MAPK9: variants seen among roughly 807,000 people sequenced by gnomAD.
MAPK9 encodes the protein mitogen-activated protein kinase 9, also known as Jun kinase.
MAPK9 carries 30 observed loss-of-function variants against 57.1 expected under a neutral mutation model. The observed-to-expected ratio is 0.53, with a 90% CI of 0.39 to 0.71. The LOEUF is 0.71. Ranked by LOEUF, MAPK9 falls within the 30% of genes least tolerant of loss-of-function variation. MAPK9 has a pLI of 0.00. For synonymous variants in MAPK9, 155 were observed against 177.0 expected (o/e 0.88, Z 0.99); for missense variants, 362 against 521.0 (o/e 0.69, Z 2.97).
At chr5:180,241,499 CTGTGTT>C (rs2127576270) in intron 8 of MAPK9, among the ~76,000 whole-genome samples, 1 of 152,232 alleles carries the variant, frequency 6.6e-6, no homozygotes, top group Non-Finnish European at 1.5e-5. Flanking sequence ...CAGGGTTTCA[CTGTGTT>C]AGGCAGGATG....
chr5:180,246,014 TTA>T (rs1758062310), intron 7 of MAPK9: 1 of 152,226 alleles, frequency 6.6e-6, no homozygotes, highest in Admixed American at 6.5e-5. Context: ...ATTACTGACA[TTA>T]ATGTTCATAT....
chr5:180,244,332 C>T (rs1757903378), intron 7 of MAPK9, among the ~76,000 whole-genome samples: 1 of 152,216 alleles, frequency 6.6e-6, no homozygotes, highest in Non-Finnish European at 1.5e-5. Flanking sequence ...ACTCTTCCTT[C>T]TCCAACATCA....
intron 5 of MAPK9, among the ~76,000 whole-genome samples, chr5:180,258,938 A>G (rs538090922): frequency 2.0e-5 from 3 of 151,236 alleles, no homozygotes; most frequent in South Asian, 4.2e-4. Context: ...GGAGGCTGAG[A>G]CAGGAGAACT....
rs780088624 is a variant in MAPK9 at position 180,280,570 on chromosome 5, G to A, written c.-9C>T. The stretch of plus-strand genomic sequence containing the variant: ...CATTTACTGTCGCTCATGATGCAGC[G>A]TCCTGCAATATCCCGAAGGGTGGGC... On this transcript the variant is annotated 5_prime_UTR_variant, in exon 2 of 12. It adds an upstream start codon to the 5' untranslated region. Coordinates refer to ENST00000452135, the MANE Select transcript of MAPK9 (RefSeq NM_002752.5). The A allele has an allele frequency of 1.9e-6, 3 of 1,612,022 alleles. No individual in the cohort carries two copies. The highest frequency in any genetic ancestry group is 2.5e-6 in the Non-Finnish European group (3 of 1,179,248).
In MAPK9 at chr5:180,291,973, G is replaced by GCC. The variant is rs1295924644; in HGVS notation, c.-175_-174dup. Reference sequence around the variant, plus strand: ...GGCCCGCCCCGCTCCGCTCCGCCCCGCCGCCGCCGCCGCCGCCGCCGCCGC... The same window carrying GCC: ...GGCCCGCCCCGCTCCGCTCCGCCCCGCCCCGCCGCCGCCGCCGCCGCCGCCGC... On this transcript the variant is annotated 5_prime_UTR_variant, in exon 1 of 12. Transcript: ENST00000452135. The GCC allele has an allele frequency of 2.0e-4, 4 of 19,822 alleles. No homozygotes were observed. The highest frequency in any genetic ancestry group is 3.8e-3 in the East Asian group (1 of 266). The allele number at this position is 19,822 out of a possible 1,614,324, so 1.2% of individuals were successfully genotyped here.
intron 2 of MAPK9, among the ~76,000 whole-genome samples, chr5:180,277,404 A>G (rs1433620439): frequency 1.3e-5 from 2 of 152,088 alleles, no homozygotes; most frequent in African/African-American, 2.4e-5. Context: ...ATCACTCCAA[A>G]CTTCGCTCTG....
chr5:180,241,740 C>G (rs1386538431), intron 8 of MAPK9, among the ~76,000 whole-genome samples: 1 of 152,246 alleles, frequency 6.6e-6, no homozygotes, highest in Non-Finnish European at 1.5e-5. Flanking sequence ...ACCAGGCAGC[C>G]TCAGACCAAT....
intron 5 of MAPK9, among the ~76,000 whole-genome samples, chr5:180,256,140 T>A (rs574272694): frequency 6.6e-6 from 1 of 152,296 alleles, no homozygotes; most frequent in Non-Finnish European, 1.5e-5. Context: ...ACTGGCCATC[T>A]CCAGGTGCTA....
intron 5 of MAPK9, 108 bp downstream of exon 5, chr5:180,261,576 T>TG (rs1759969811): frequency 1.9e-6 from 2 of 1,065,186 alleles, no homozygotes; most frequent in Non-Finnish European, 2.6e-6. Context: ...CCATCATCTA[T>TG]TTGGATTTTC....
intron 3 of MAPK9, among the ~76,000 whole-genome samples, chr5:180,267,964 G>C (rs577623183): frequency 6.6e-6 from 1 of 151,992 alleles, no homozygotes; most frequent in East Asian, 1.9e-4. Context: ...CCGGGTTCAT[G>C]CCATTCTCCC....
chr5:180,285,247 A>C (rs561797246), intron 1 of MAPK9, among the ~76,000 whole-genome samples: 18 of 152,318 alleles, frequency 1.2e-4, no homozygotes, highest in African/African-American at 3.4e-4. Context: ...TTGTCCAGTA[A>C]GGAAGTTGTC....
chr5:180,240,972 G>T, intron 9 of MAPK9, 59 bp downstream of exon 9: 6 of 1,553,306 alleles, frequency 3.9e-6, no homozygotes, highest in South Asian at 2.4e-5. Flanking sequence ...GGACAGACAA[G>T]ATCCAAGGAA....
At chr5:180,240,629 G>C (rs1757567612) in intron 9 of MAPK9, among the ~76,000 whole-genome samples, 1 of 152,198 alleles carries the variant, frequency 6.6e-6, no homozygotes, top group Non-Finnish European at 1.5e-5. Context: ...TCCTCCAGCG[G>C]GGGAACCAGG....
In MAPK9 at chr5:180,280,585, G is replaced by A. The variant is rs550892020; in HGVS notation, c.-24C>T. On this transcript the variant is annotated 5_prime_UTR_variant, in exon 2 of 12. Coordinates refer to ENST00000452135, the MANE Select transcript of MAPK9 (RefSeq NM_002752.5). ...ATGATGCAGCGTCCTGCAATATCCCGAAGGGTGGGCAAGTTTCAGATCCCT... is the reference window on the plus strand; with the variant it reads ...ATGATGCAGCGTCCTGCAATATCCCAAAGGGTGGGCAAGTTTCAGATCCCT... 72 of 1,605,942 alleles carry A rather than the reference G, an allele frequency of 4.5e-5. No homozygotes were observed. The highest frequency in any genetic ancestry group is 2.0e-4 in the East Asian group (9 of 44,738).
At chr5:180,290,690 A>G (rs1763153155) in intron 1 of MAPK9, among the ~76,000 whole-genome samples, 2 of 152,268 alleles carry the variant, frequency 1.3e-5, no homozygotes, top group Non-Finnish European at 2.9e-5. Flanking sequence ...ACAAAATAGA[A>G]CAAGCTTCCA....
At chr5:180,253,963 CTTTTTTTTTT>C (rs5873681) in intron 5 of MAPK9, among the ~76,000 whole-genome samples, 3 of 109,358 alleles carry the variant, frequency 2.7e-5, no homozygotes, top group Non-Finnish European at 3.5e-5. Context: ...GCTTCAATCT[CTTTTTTTTTT>C]TTTTTTTTTT....
chr5:180,235,034 C>T lies in MAPK9; in HGVS notation c.*1350G>A, dbSNP rs1229649463. ...AGGCAAAACGTGATCACCACAGCTC[C>T]GTTCCTGCAGTGACACTTAACATAC... On this transcript the variant is annotated 3_prime_UTR_variant, in exon 12 of 12. Coordinates refer to ENST00000452135, the MANE Select transcript of MAPK9 (RefSeq NM_002752.5). 1 of 152,204 alleles carries T rather than the reference C, an allele frequency of 6.6e-6. No individual in the cohort carries two copies. Among genetic ancestry groups the T allele is most frequent in the Non-Finnish European group, 1.5e-5 (1 of 68,042 alleles). The allele number at this position is 152,204 out of a possible 1,614,324, so 9.4% of individuals were successfully genotyped here.
intron 4 of MAPK9, among the ~76,000 whole-genome samples, chr5:180,263,905 C>T (rs558810793): frequency 1.8e-4 from 27 of 152,212 alleles, no homozygotes; most frequent in Non-Finnish European, 3.5e-4. Flanking sequence ...CGGGGTTTCA[C>T]CGTGTTAGCC....
intron 1 of MAPK9, among the ~76,000 whole-genome samples, chr5:180,283,642 A>G (rs1212366083): frequency 6.6e-6 from 1 of 152,262 alleles, no homozygotes; most frequent in Non-Finnish European, 1.5e-5. Context: ...TTCCATCTCA[A>G]GATTTAAAAT....
Sources: allele counts gnomAD v4.1 joint callset (sites outside exome capture counted in the v4.1 genomes callset), GRCh38; gene constraint gnomAD v4.1.1; transcripts MANE v1.5; gene names NCBI Gene and HGNC (gene_info 2026-07-23, HGNC 2026-07-21).